Variants in MMP16 observed in about 807,000 individuals in gnomAD.
The protein encoded by MMP16 is matrix metalloproteinase-16.
Under a neutral mutation model 67.8 loss-of-function variants are expected in MMP16, and 12 were observed. That is an observed-to-expected ratio of 0.18 (90% CI 0.11 to 0.29). The LOEUF (loss-of-function observed/expected upper bound fraction) is 0.29. Ranked by LOEUF, MMP16 falls within the 10% of genes least tolerant of loss-of-function variation. The pLI, the probability that MMP16 is intolerant of heterozygous loss-of-function variation, is 1.00. For synonymous variants in MMP16, 249 were observed against 255.9 expected, an observed-to-expected ratio of 0.97 and a Z score of 0.26; for missense variants, 475 against 765.7, an observed-to-expected ratio of 0.62 and a Z score of 4.48.
intron 1 of MMP16, among the ~76,000 whole-genome samples, chr8:88,208,269 C>G (rs1180114775): frequency 6.6e-6 from 1 of 152,072 alleles, no homozygotes; most frequent in Non-Finnish European, 1.5e-5. Context: ...TCAGGACTGC[C>G]CATGTTCTAA....
chr8:88,170,993 G>C (rs954990292), intron 3 of MMP16, among the ~76,000 whole-genome samples: 14 of 152,068 alleles, frequency 9.2e-5, no homozygotes, highest in African/African-American at 3.1e-4. Context: ...CATGGGGATT[G>C]GTGATGGATT....
At chr8:88,216,079 G>A (rs556393591) in intron 1 of MMP16, among the ~76,000 whole-genome samples, 41 of 152,156 alleles carry the variant, frequency 2.7e-4, no homozygotes, top group Non-Finnish European at 4.9e-4. Context: ...TTAGTCTAGA[G>A]CAGTGTTCTT....
chr8:88,175,708 T>G (rs1808876502), intron 3 of MMP16, among the ~76,000 whole-genome samples: 5 of 152,202 alleles, frequency 3.3e-5, no homozygotes, highest in African/African-American at 9.6e-5. Context: ...GTGATAGGGT[T>G]TGGCTATGTC....
chr8:88,101,109 A>G (rs571069699), intron 6 of MMP16, among the ~76,000 whole-genome samples: 1 of 152,090 alleles, frequency 6.6e-6, no homozygotes, highest in South Asian at 2.1e-4. Flanking sequence ...TGTACCCTAG[A>G]ACTTAAAGTA....
At chr8:88,204,796 C>G (rs1036340584) in intron 1 of MMP16, among the ~76,000 whole-genome samples, 2 of 152,184 alleles carry the variant, frequency 1.3e-5, no homozygotes, top group African/African-American at 2.4e-5. Context: ...GCCACACTTA[C>G]TCTCCTGAAA....
At chr8:88,287,599 G>C (rs552273561) in intron 1 of MMP16, among the ~76,000 whole-genome samples, 1 of 152,202 alleles carries the variant, frequency 6.6e-6, no homozygotes, top group South Asian at 2.1e-4. Flanking sequence ...CTGGAATATA[G>C]CAGGTACCCA....
intron 1 of MMP16, among the ~76,000 whole-genome samples, chr8:88,277,934 A>G (rs1375677121): frequency 6.6e-6 from 1 of 152,206 alleles, no homozygotes; most frequent in African/African-American, 2.4e-5. Context: ...AAGGGTATTT[A>G]TAAGATCTTC....
intron 1 of MMP16, among the ~76,000 whole-genome samples, chr8:88,292,460 A>G (rs554576999): frequency 5.3e-5 from 8 of 152,216 alleles, no homozygotes; most frequent in African/African-American, 1.9e-4. Context: ...AGGTGCAGCT[A>G]CTCTCCTAGC....
intron 1 of MMP16, among the ~76,000 whole-genome samples, chr8:88,258,827 G>A (rs1810344552): frequency 6.6e-6 from 1 of 152,092 alleles, no homozygotes; most frequent in African/African-American, 2.4e-5. Flanking sequence ...ACTGCAGAAA[G>A]AAAAAGAGAA....
At chr8:88,182,338 G>C (rs189266407) in intron 3 of MMP16, among the ~76,000 whole-genome samples, 1 of 151,954 alleles carries the variant, frequency 6.6e-6, no homozygotes, top group South Asian at 2.1e-4. Flanking sequence ...CAGACACCTC[G>C]CCAAAGAAGA....
intron 4 of MMP16, among the ~76,000 whole-genome samples, chr8:88,122,910 C>T (rs1444307022): frequency 6.6e-6 from 1 of 151,444 alleles, no homozygotes; most frequent in Non-Finnish European, 1.5e-5. Context: ...TCCCCTCCTC[C>T]CCCCACCCCT....
intron 6 of MMP16, among the ~76,000 whole-genome samples, chr8:88,098,499 A>G (rs1361967848): frequency 6.6e-6 from 1 of 152,026 alleles, no homozygotes; most frequent in Non-Finnish European, 1.5e-5. Flanking sequence ...GACTGTATCA[A>G]GTATGACATA....
intron 6 of MMP16, 40 bp from the exon 7 acceptor site, chr8:88,074,783 G>A (rs766803149): frequency 1.3e-6 from 2 of 1,594,200 alleles, no homozygotes; most frequent in African/African-American, 2.7e-5. Flanking sequence ...AAACACGTAG[G>A]CCTCCCTGGC....
Position 88,186,517 on chromosome 8 carries a change from T to G in MMP16, c.363A>C (p.Ala121=). 6.2e-7 allele frequency: 1 copy of G among 1,609,454 alleles called. No individual in the cohort carries two copies. Among genetic ancestry groups the G allele is most frequent in the Non-Finnish European group, 8.5e-7 (1 of 1,179,412 alleles). The part of the protein sequence containing the change: ...SKFHIRRKRY[A]LTGQKWQHKH... ...TGTGCTGCCATTTCTGTCCTGTCAATGCATATCGCTTTCGACGAATATGAA... is the reference window on the plus strand; with the variant it reads ...TGTGCTGCCATTTCTGTCCTGTCAAGGCATATCGCTTTCGACGAATATGAA... Residue 121 remains alanine, a synonymous_variant, in exon 3 of 10, where the codon GCA becomes GCC. Coordinates refer to ENST00000286614, the MANE Select transcript of MMP16 (RefSeq NM_005941.5).
chr8:88,243,905 T>C (rs777636626), intron 1 of MMP16, among the ~76,000 whole-genome samples: 1 of 152,152 alleles, frequency 6.6e-6, no homozygotes, highest in Admixed American at 6.5e-5. Context: ...CTTACAGCCA[T>C]TCATTTGAGT....
chr8:88,211,297 C>T (rs1042738578), intron 1 of MMP16, among the ~76,000 whole-genome samples: 1 of 152,090 alleles, frequency 6.6e-6, no homozygotes, highest in Non-Finnish European at 1.5e-5. Context: ...GGTAGACAGC[C>T]ACAAGGTTGT....
At chr8:88,204,972 A>C (rs1809403607) in intron 1 of MMP16, among the ~76,000 whole-genome samples, 1 of 152,138 alleles carries the variant, frequency 6.6e-6, no homozygotes, top group Non-Finnish European at 1.5e-5. Context: ...CTCTCAAACT[A>C]TTCCCTTGCT....
intron 7 of MMP16, among the ~76,000 whole-genome samples, chr8:88,069,899 A>G (rs1339480662): frequency 1.3e-5 from 2 of 152,164 alleles, no homozygotes; most frequent in Admixed American, 6.5e-5. Flanking sequence ...ATACAGAAAT[A>G]CAATTAAATG....
At chr8:88,241,476 A>G (rs111626446) in intron 1 of MMP16, among the ~76,000 whole-genome samples, 66 of 152,230 alleles carry the variant, frequency 4.3e-4, no homozygotes, top group African/African-American at 1.5e-3. Context: ...AGCAGATGAG[A>G]TTATTTAGGT....
Sources: gnomAD v4.1 joint callset for allele counts (sites outside exome capture counted in the v4.1 genomes callset) on GRCh38, gnomAD v4.1.1 for gene constraint, MANE v1.5 for transcripts, NCBI Gene and HGNC (gene_info 2026-07-23, HGNC 2026-07-21) for gene names.